Variants in MTF1 observed in about 807,000 individuals in gnomAD.
MTF1 encodes metal regulatory transcription factor 1.
MTF1 carries 22 observed loss-of-function variants against 70.4 expected under a neutral mutation model. That is an observed-to-expected ratio of 0.31 (90% CI 0.22 to 0.45). MTF1 has a LOEUF of 0.45. MTF1 is among the 20% of genes least tolerant of loss of function. The probability of loss-of-function intolerance (pLI) is 1.00; values close to 1 mark genes in which losing one functional copy is unlikely to be tolerated. For missense variants in MTF1, 649 were observed against 922.0 expected (o/e 0.70, Z 3.83); for synonymous variants, 333 against 352.8 (o/e 0.94, Z 0.63).
intron 7 of MTF1, among the ~76,000 whole-genome samples, chr1:37,824,362 C>A (rs1406305732): frequency 1.3e-5 from 2 of 152,158 alleles, no homozygotes; most frequent in East Asian, 3.8e-4. Flanking sequence ...CAAAAAAAAC[C>A]TTGCTGACTT....
At chr1:37,825,137 A>C (rs867965614) in intron 7 of MTF1, among the ~76,000 whole-genome samples, 54 of 152,312 alleles carry the variant, frequency 3.5e-4, no homozygotes, top group African/African-American at 1.2e-3. Context: ...GTTGTGGCAT[A>C]CTGGAGAGAA....
Position 37,814,900 on chromosome 1 carries a change from C to G in MTF1, c.*236G>C, listed in dbSNP as rs1171445986. ...AAAAGTGACATACAGTGCAGCCAAA[C>G]AGTTCACTTATAACTTAGCTTTTTT... On this transcript the variant is annotated 3_prime_UTR_variant, in exon 11 of 11. Coordinates refer to ENST00000373036, the MANE Select transcript of MTF1 (RefSeq NM_005955.3). 6.0e-6 allele frequency: 3 copies of G among 500,188 alleles called. No individual in the cohort carries two copies. Among genetic ancestry groups the G allele is most frequent in the Non-Finnish European group, 1.1e-5 (3 of 281,334 alleles). The allele number at this position is 500,188 out of a possible 1,614,324, so 31.0% of individuals were successfully genotyped here.
chr1:37,815,673 G>T lies in MTF1; in HGVS notation c.1832-107C>A. On this transcript the variant is annotated intron_variant, in intron 10 of 10. Coordinates refer to ENST00000373036, the MANE Select transcript of MTF1 (RefSeq NM_005955.3). The surrounding 1 kb of genome is among the most constrained non-coding windows in gnomAD (Gnocchi z 4.5). ...AGAGCAGAGTGCCATGGGAACCATG[G>T]GAAGGATGGTTGCCACACTTCGGGC... 1.2e-6 allele frequency: 1 copy of T among 855,142 alleles called. No individual in the cohort carries two copies. Among genetic ancestry groups the T allele is most frequent in the Non-Finnish European group, 1.8e-6 (1 of 563,558 alleles). The allele number at this position is 855,142 out of a possible 1,614,324, so 53.0% of individuals were successfully genotyped here. A position where few individuals can be genotyped will look rare whatever the true frequency, so the allele number is the denominator to read the frequency against.
At chr1:37,843,428 G>A (rs1157906203) in intron 2 of MTF1, among the ~76,000 whole-genome samples, 1 of 152,186 alleles carries the variant, frequency 6.6e-6, no homozygotes, top group Non-Finnish European at 1.5e-5. Flanking sequence ...CCGGGAGGAG[G>A]GGAAAGCCTC....
At chr1:37,839,747 T>A (rs1641227648) in intron 3 of MTF1, among the ~76,000 whole-genome samples, 173 bp downstream of exon 3, 1 of 152,244 alleles carries the variant, frequency 6.6e-6, no homozygotes, top group Non-Finnish European at 1.5e-5. Flanking sequence ...CATTTTTAAA[T>A]TTTTTTCTTT....
intron 3 of MTF1, 143 bp downstream of exon 3, chr1:37,839,777 G>C: frequency 3.0e-6 from 2 of 670,070 alleles, no homozygotes; most frequent in Non-Finnish European, 5.1e-6. Context: ...AGATCTGGCA[G>C]AAATGAATTT....
intron 7 of MTF1, among the ~76,000 whole-genome samples, chr1:37,824,527 G>A (rs1027993794): frequency 1.3e-5 from 2 of 152,012 alleles, no homozygotes; most frequent in Admixed American, 6.6e-5. Flanking sequence ...GTAAAACCCC[G>A]TTTCTACTAA....
chr1:37,859,025 T>G (rs1360682571), intron 1 of MTF1, among the ~76,000 whole-genome samples: 1 of 152,230 alleles, frequency 6.6e-6, no homozygotes, highest in Non-Finnish European at 1.5e-5. Context: ...GCCAAAGGAT[T>G]GGATCCGGGA....
intron 8 of MTF1, 67 bp from the exon 9 acceptor site, chr1:37,822,783 C>A: frequency 8.9e-7 from 1 of 1,128,760 alleles, no homozygotes; most frequent in Admixed American, 2.0e-5. Context: ...CAAAAACAGT[C>A]ATTATGGGCT....
At position 37,838,565 on chromosome 1, in the gene MTF1, G is replaced by C. The variant is rs911831854; in HGVS notation, c.779+60C>G. 2.0e-6 allele frequency: 3 copies of C among 1,485,008 alleles called. No homozygotes were observed. The South Asian group carries it at 3.6e-5, about 18-fold the overall frequency. The allele number at this position is 1,485,008 out of a possible 1,614,324, so 92.0% of individuals were successfully genotyped here. A position where few individuals can be genotyped will look rare whatever the true frequency, so the allele number is the denominator to read the frequency against. ...TCTTTCTTTTTTGAAAAATTCCAGA[G>C]TATATCAAGACCCCCAGCTGAAACC... is the stretch of plus-strand genomic sequence containing the variant. On this transcript the variant is annotated intron_variant, in intron 4 of 10. Coordinates refer to ENST00000373036, the MANE Select transcript of MTF1 (RefSeq NM_005955.3).
At position 37,815,762 on chromosome 1, in the gene MTF1, A is replaced by C. The variant is rs961741417; in HGVS notation, c.1832-196T>G. 2.0e-5 allele frequency among the ~76,000 whole-genome samples: 3 copies of C among 152,156 alleles called. No individual in the cohort carries two copies. The highest frequency in any genetic ancestry group is 4.4e-5 in the Non-Finnish European group (3 of 68,026). Reference sequence around the variant, plus strand: ...TAAAAGAGGGACACTCCCCAGCCCGAGACAAAGTCCCGTTTCCTTAGAAAG... The same window carrying C: ...TAAAAGAGGGACACTCCCCAGCCCGCGACAAAGTCCCGTTTCCTTAGAAAG... On this transcript the variant is annotated intron_variant, in intron 10 of 10. Coordinates refer to ENST00000373036, the MANE Select transcript of MTF1 (RefSeq NM_005955.3). This position sits in a 1 kb window ranked among gnomAD's most constrained non-coding sequence, Gnocchi z 4.5.
intron 2 of MTF1, chr1:37,841,594 C>G (rs1641255516): frequency 5.5e-6 from 1 of 181,178 alleles, no homozygotes; most frequent in Non-Finnish European, 1.2e-5. Flanking sequence ...CACCAAGTCT[C>G]CCCGTCAGGA....
chr1:37,823,831 G>C lies in MTF1; in HGVS notation c.1069-19C>G. 6.3e-7 allele frequency: 1 copy of C among 1,581,012 alleles called. No homozygotes were observed. Among genetic ancestry groups the C allele is most frequent in the East Asian group, 2.2e-5 (1 of 44,692 alleles). On this transcript the variant is annotated intron_variant, in intron 7 of 10. Transcript: ENST00000373036. ...CCTGGGTCTGATGGAGAGAGACAAA[G>C]ATGTGAGATTGGCCATCTTGAGACA...
intron 2 of MTF1, among the ~76,000 whole-genome samples, chr1:37,846,254 A>G (rs2148418510): frequency 6.6e-6 from 1 of 152,298 alleles, no homozygotes; most frequent in African/African-American, 2.4e-5. Context: ...CTGATAACAG[A>G]TATTCAGCAT....
At position 37,857,394 on chromosome 1, in the gene MTF1, T is replaced by A; in HGVS notation, c.265A>T (p.Met89Leu). The A allele has an allele frequency of 6.2e-7, 1 of 1,614,210 alleles. No individual in the cohort carries two copies. The highest frequency in any genetic ancestry group is 2.2e-5 in the East Asian group (1 of 44,888). ...ATGTGCTGCACATAACCCTGGGACA[T>A]TGCTTCATGATCTATCAGGTGAAAG... Reference protein sequence around the residue: ...EGFHLIDHEAMSQGYVQHIIS... With the variant: ...EGFHLIDHEALSQGYVQHIIS... The change falls in exon 2 of 11, where the codon ATG becomes TTG. Residue 89 changes from methionine to leucine, a missense_variant. Met to Leu is a conservative substitution (Grantham distance 15). Around this residue, in one of 7 missense-constraint regions of MTF1, gnomAD observed 44 missense variants for 38.1 expected, o/e 1.15. Coordinates refer to ENST00000373036, the MANE Select transcript of MTF1 (RefSeq NM_005955.3).
At position 37,840,111 on chromosome 1, in the gene MTF1, G is replaced by A. The variant is rs752255085; in HGVS notation, c.456C>T (p.Ser152=). Residue 152 remains serine (S), a synonymous_variant, in exon 3 of 11, where the codon AGC becomes AGT. Transcript: ENST00000373036. The surrounding 1 kb of genome is among the most constrained non-coding windows in gnomAD (Gnocchi z 4.5). The stretch of plus-strand genomic sequence containing the variant: ...GGTGGGTTCGCAGGTTGCCTGCTGT[G>A]CTGTAGGTGCGGGGACAGCCCTCAA... The part of the protein sequence containing the change: ...CTFEGCPRTY[S]TAGNLRTHQK... 10 of 1,614,246 alleles carry A rather than the reference G, an allele frequency of 6.2e-6. No individual in the cohort carries two copies. The Admixed American group carries it at 1.7e-4, about 27-fold the overall frequency.
rs1640921135 is a variant in MTF1 at position 37,822,250 on chromosome 1, ATTAG to A, written c.1634_1637del (p.Thr545IlefsTer5). 1 of 1,614,146 alleles carries A rather than the reference ATTAG, an allele frequency of 6.2e-7. No individual in the cohort carries two copies. The highest frequency in any genetic ancestry group is 8.5e-7 in the Non-Finnish European group (1 of 1,180,030). ...TTGGGGTGATGGTTATTGTGGGATT[ATTAG>A]TTAGGACAGAGTTGGCACCCAGGGG... On this transcript the variant is annotated frameshift_variant, in exon 9 of 11. Transcript: ENST00000373036. LOFTEE classifies it high-confidence loss of function.
chr1:37,818,629 G>C (rs1379386025), intron 9 of MTF1, among the ~76,000 whole-genome samples: 1 of 151,702 alleles, frequency 6.6e-6, no homozygotes, highest in Non-Finnish European at 1.5e-5. Context: ...GTGTGAACCC[G>C]GGTGGTGGAG....
intron 2 of MTF1, among the ~76,000 whole-genome samples, chr1:37,850,503 AGAAG>A (rs1465867839): frequency 2.6e-5 from 4 of 151,666 alleles, no homozygotes; most frequent in Non-Finnish European, 2.9e-5. Context: ...GAAAGGGAAA[AGAAG>A]GAAGGAAGGG....
Sources: allele counts gnomAD v4.1 joint callset (sites outside exome capture counted in the v4.1 genomes callset), GRCh38; gene constraint gnomAD v4.1.1; regional missense constraint gnomAD v4.1.1; non-coding constraint Gnocchi (gnomAD v3.1); transcripts MANE v1.5; gene names NCBI Gene and HGNC (gene_info 2026-07-23, HGNC 2026-07-21).